CSMD3: variants seen among roughly 807,000 people sequenced by gnomAD.
CSMD3 encodes CUB and sushi domain-containing protein 3.
CSMD3 carries 177 observed loss-of-function variants against 435.2 expected under a neutral mutation model. The observed-to-expected ratio is 0.41, with a 90% CI of 0.36 to 0.46. The LOEUF is 0.46. CSMD3 is among the 20% of genes least tolerant of loss of function. CSMD3 has a pLI of 0.34. For synonymous variants in CSMD3, 1,656 were observed against 1,520.5 expected, an observed-to-expected ratio of 1.09 and a Z score of -2.07; for missense variants, 4,265 against 4,504.6, an observed-to-expected ratio of 0.95 and a Z score of 1.52.
At chr8:112,853,403 T>C (rs2129761073) in intron 11 of CSMD3, among the ~76,000 whole-genome samples, 1 of 152,240 alleles carries the variant, frequency 6.6e-6, no homozygotes, top group East Asian at 1.9e-4. Context: ...TTTTTGTATT[T>C]TTAGTAGAGA....
At chr8:113,020,147 G>A (rs1335821527) in intron 5 of CSMD3, among the ~76,000 whole-genome samples, 3 of 142,108 alleles carry the variant, frequency 2.1e-5, no homozygotes, top group African/African-American at 7.9e-5. Flanking sequence ...TCCGGCCTGG[G>A]CGACAGAGCG....
intron 13 of CSMD3, among the ~76,000 whole-genome samples, chr8:112,720,652 T>C (rs57734824): frequency 6.6e-6 from 1 of 152,152 alleles, no homozygotes; most frequent in East Asian, 1.9e-4. Context: ...CTATCCAGGA[T>C]GTGACTGATT....
intron 3 of CSMD3, among the ~76,000 whole-genome samples, chr8:113,187,080 A>C (rs1323509058): frequency 6.6e-6 from 1 of 151,528 alleles, no homozygotes; most frequent in Non-Finnish European, 1.5e-5. Context: ...TGAATATGAG[A>C]TTCTGTCTGT....
chr8:112,842,369 C>T (rs894250853), intron 11 of CSMD3, among the ~76,000 whole-genome samples: 1 of 151,760 alleles, frequency 6.6e-6, no homozygotes, highest in South Asian at 2.1e-4. Flanking sequence ...GGAGTCTCCA[C>T]AAGAATATTT....
chr8:112,339,919 G>A (rs751421730), intron 42 of CSMD3, among the ~76,000 whole-genome samples: 6 of 152,068 alleles, frequency 3.9e-5, no homozygotes, highest in Non-Finnish European at 7.4e-5. Flanking sequence ...TATGGCTCCT[G>A]TTAATAATAC....
intron 66 of CSMD3, among the ~76,000 whole-genome samples, chr8:112,241,343 A>C (rs1814123651): frequency 6.6e-6 from 1 of 152,026 alleles, no homozygotes; most frequent in Admixed American, 6.6e-5. Flanking sequence ...TCTAGAAGTT[A>C]CCGATCTTTA....
intron 30 of CSMD3, among the ~76,000 whole-genome samples, chr8:112,503,072 G>T (rs186210297): frequency 1.2e-3 from 187 of 152,132 alleles, no homozygotes; most frequent in Admixed American, 3.7e-3. Context: ...TATGAATATT[G>T]ACATATTTAA....
chr8:113,359,043 T>G (rs2094253635), intron 1 of CSMD3, among the ~76,000 whole-genome samples: 1 of 151,280 alleles, frequency 6.6e-6, no homozygotes, highest in Non-Finnish European at 1.5e-5. Flanking sequence ...TTCCTCTCAA[T>G]AGTAAAAAAA....
chr8:112,869,129 C>T (rs2081062766), intron 10 of CSMD3, among the ~76,000 whole-genome samples: 1 of 152,012 alleles, frequency 6.6e-6, no homozygotes, highest in Admixed American at 6.6e-5. Flanking sequence ...GAGTGAACAC[C>T]AGAAGAGGAA....
At chr8:112,464,138 T>G (rs1817718738) in intron 32 of CSMD3, among the ~76,000 whole-genome samples, 1 of 150,674 alleles carries the variant, frequency 6.6e-6, no homozygotes, top group Non-Finnish European at 1.5e-5. Context: ...CTCAGGAGGC[T>G]GAGGCAGAAG....
chr8:112,482,221 A>G (rs910552616), intron 31 of CSMD3, among the ~76,000 whole-genome samples: 10 of 152,214 alleles, frequency 6.6e-5, no homozygotes, highest in Non-Finnish European at 1.5e-5. Context: ...TCCTACAGAA[A>G]GAGTCATTCT....
chr8:112,560,415 G>A (rs1336727736), intron 24 of CSMD3, among the ~76,000 whole-genome samples: 1 of 151,702 alleles, frequency 6.6e-6, no homozygotes. Context: ...AGACAGGCTA[G>A]ATGCTCAGTA....
At chr8:112,665,374 G>A (rs1056922644) in intron 17 of CSMD3, among the ~76,000 whole-genome samples, 26 of 152,108 alleles carry the variant, frequency 1.7e-4, no homozygotes, top group African/African-American at 6.3e-4. Flanking sequence ...CATGTGAAAT[G>A]TTTAATACTC....
chr8:113,310,054 A>C (rs946652918), intron 2 of CSMD3: 6 of 152,230 alleles, frequency 3.9e-5, no homozygotes, highest in African/African-American at 1.4e-4. Context: ...CCAAACATCC[A>C]AAGTGATAGG....
chr8:112,459,873 A>G (rs1362351724), intron 32 of CSMD3, among the ~76,000 whole-genome samples: 1 of 152,118 alleles, frequency 6.6e-6, no homozygotes, highest in Non-Finnish European at 1.5e-5. Flanking sequence ...AACATATGCC[A>G]TATCTCTACA....
intron 13 of CSMD3, among the ~76,000 whole-genome samples, chr8:112,799,225 G>A (rs912996665): frequency 1.4e-5 from 2 of 141,276 alleles, no homozygotes; most frequent in Admixed American, 7.6e-5. Context: ...AAAAAACACA[G>A]AATGAATGTG....
chr8:113,275,015 C>G (rs922429148), intron 3 of CSMD3, among the ~76,000 whole-genome samples: 1 of 151,926 alleles, frequency 6.6e-6, no homozygotes, highest in African/African-American at 2.4e-5. Context: ...GAAATTTGTA[C>G]AAATATACTG....
chr8:113,063,689 G>A (rs2088717223), intron 5 of CSMD3, among the ~76,000 whole-genome samples: 1 of 151,754 alleles, frequency 6.6e-6, no homozygotes, highest in Non-Finnish European at 1.5e-5. Context: ...CTATTTGTTG[G>A]AAACATGTGC....
At chr8:112,772,669 T>C (rs2078150177) in intron 13 of CSMD3, among the ~76,000 whole-genome samples, 2 of 152,064 alleles carry the variant, frequency 1.3e-5, no homozygotes, top group South Asian at 4.1e-4. Flanking sequence ...GGAAGGCATC[T>C]GTCTCCTGCT....
Sources: allele counts gnomAD v4.1 joint callset (sites outside exome capture counted in the v4.1 genomes callset), GRCh38; gene constraint gnomAD v4.1.1; transcripts MANE v1.5; gene names NCBI Gene and HGNC (gene_info 2026-07-23, HGNC 2026-07-21).